The following SDK1 variants were observed in gnomAD, a reference collection of about 807,000 sequenced individuals.
SDK1 encodes the protein protein sidekick-1.
SDK1 carries 157 observed loss-of-function variants against 245.5 expected under a neutral mutation model. The ratio of observed to expected loss-of-function variants is 0.64; its 90% CI spans 0.56 to 0.73. SDK1 has a LOEUF of 0.73. Ranked by LOEUF, SDK1 falls within the 30% of genes least tolerant of loss-of-function variation. SDK1 has a pLI of 0.00. For synonymous variants in SDK1, 1,647 were observed against 1,278.5 expected, an observed-to-expected ratio of 1.29 and a Z score of -6.15; for missense variants, 3,583 against 3,002.3, an observed-to-expected ratio of 1.19 and a Z score of -4.52.
chr7:4,157,538 A>AGGTG (rs1224217407), intron 30 of SDK1, among the ~76,000 whole-genome samples: 1 of 138,512 alleles, frequency 7.2e-6, no homozygotes, highest in Admixed American at 7.3e-5. Flanking sequence ...GGAGGAAGGA[A>AGGTG]GGTGGGTGGG....
chr7:3,403,870 A>ATATAT (rs1778977530), intron 1 of SDK1, among the ~76,000 whole-genome samples: 3 of 84,752 alleles, frequency 3.5e-5, no homozygotes, highest in Non-Finnish European at 7.1e-5. Context: ...TATATATATA[A>ATATAT]TATATATATT....
chr7:3,696,583 TG>T (rs1784578990), intron 4 of SDK1, among the ~76,000 whole-genome samples: 1 of 151,750 alleles, frequency 6.6e-6, no homozygotes, highest in African/African-American at 2.4e-5. Flanking sequence ...TGTGTGTGTG[TG>T]TGTGTGTGTG....
intron 1 of SDK1, among the ~76,000 whole-genome samples, chr7:3,491,512 T>C (rs1369987914): frequency 2.0e-5 from 3 of 152,240 alleles, no homozygotes; most frequent in South Asian, 4.1e-4. Context: ...GAATTAAAGA[T>C]TGGAGCATTT....
intron 4 of SDK1, among the ~76,000 whole-genome samples, chr7:3,752,158 G>A (rs1779793651): frequency 6.6e-6 from 1 of 152,126 alleles, no homozygotes; most frequent in Non-Finnish European, 1.5e-5. Flanking sequence ...CAACCTGATA[G>A]GTGAGCCTGA....
At chr7:3,437,967 T>C (rs1780077784) in intron 1 of SDK1, among the ~76,000 whole-genome samples, 1 of 152,138 alleles carries the variant, frequency 6.6e-6, no homozygotes, top group South Asian at 2.1e-4. Flanking sequence ...GCAGTTTCTT[T>C]TACACTCTCT....
intron 4 of SDK1, among the ~76,000 whole-genome samples, chr7:3,644,243 TTATATATATA>T (rs66881824): frequency 3.4e-5 from 5 of 145,290 alleles, no homozygotes; most frequent in Non-Finnish European, 7.5e-5. Flanking sequence ...GAACAAAAAT[TTATATATATA>T]TATATATATA....
At chr7:3,655,493 A>ATATATATATATG (rs1301602921) in intron 4 of SDK1, among the ~76,000 whole-genome samples, 1 of 65,416 alleles carries the variant, frequency 1.5e-5, no homozygotes, top group African/African-American at 4.5e-5. Context: ...ATATATATAT[A>ATATATATATATG]TATATATATA....
chr7:3,305,748 GT>G (rs1202398361), intron 1 of SDK1, among the ~76,000 whole-genome samples: 1 of 152,102 alleles, frequency 6.6e-6, no homozygotes, highest in African/African-American at 2.4e-5. Flanking sequence ...TGGTCTCTTG[GT>G]TGGTTACTGT....
chr7:4,124,378 G>T (rs951459057), intron 25 of SDK1, among the ~76,000 whole-genome samples: 2 of 152,168 alleles, frequency 1.3e-5, no homozygotes, highest in Non-Finnish European at 2.9e-5. Context: ...GCATCTGGTG[G>T]TTCCGTGGCT....
rs555401549 is a variant in SDK1, at chr7:4,059,919, G to A, written c.2912-7919G>A. ...TTTTGAGACGGAGTCTTGCTCTGTCGCCCAGGCTGGAGTGCAGTGGCGCAG... is the reference window on the plus strand; with the variant it reads ...TTTTGAGACGGAGTCTTGCTCTGTCACCCAGGCTGGAGTGCAGTGGCGCAG... On this transcript the variant is annotated intron_variant, in intron 19 of 44. Transcript: ENST00000404826. Among the ~76,000 whole-genome samples the A allele has an allele frequency of 1.5e-4, 22 of 146,514 alleles. 1 individual carries two copies. The South Asian group carries it at 2.6e-3, about 17-fold the overall frequency.
At chr7:3,805,367 T>C (rs1047263738) in intron 4 of SDK1, among the ~76,000 whole-genome samples, 1 of 152,226 alleles carries the variant, frequency 6.6e-6, no homozygotes, top group African/African-American at 2.4e-5. Flanking sequence ...TGAATGCCTT[T>C]GTATTGATGC....
chr7:4,149,657 A>G (rs1029316082), intron 30 of SDK1, among the ~76,000 whole-genome samples, 194 bp downstream of exon 30: 29 of 152,052 alleles, frequency 1.9e-4, no homozygotes, highest in African/African-American at 6.3e-4. Context: ...CCAAGGGCCC[A>G]CCCCCAGCCG....
chr7:3,808,621 G>C (rs1261162752), intron 4 of SDK1, among the ~76,000 whole-genome samples: 1 of 152,156 alleles, frequency 6.6e-6, no homozygotes, highest in Non-Finnish European at 1.5e-5. Context: ...AGGGGACCAG[G>C]ATTTTAAAGA....
chr7:4,159,012 T>C (rs904771837), intron 31 of SDK1, among the ~76,000 whole-genome samples: 2 of 152,166 alleles, frequency 1.3e-5, no homozygotes, highest in African/African-American at 4.8e-5. Context: ...GATGGATTGT[T>C]ATTCTGTGTG....
chr7:3,974,109 A>G (rs1782695590), intron 12 of SDK1, among the ~76,000 whole-genome samples: 1 of 146,780 alleles, frequency 6.8e-6, no homozygotes, highest in South Asian at 2.2e-4. Flanking sequence ...GCTTGAACCC[A>G]GGAGGTGGAG....
At chr7:3,973,597 A>G (rs905290875) in intron 12 of SDK1, among the ~76,000 whole-genome samples, 2 of 152,104 alleles carry the variant, frequency 1.3e-5, no homozygotes, top group African/African-American at 2.4e-5. Flanking sequence ...GAGTTGGGCA[A>G]TTCCACTCTG....
chr7:4,244,697 T>C (rs968542844), intron 43 of SDK1, among the ~76,000 whole-genome samples: 1 of 152,234 alleles, frequency 6.6e-6, no homozygotes, highest in African/African-American at 2.4e-5. Flanking sequence ...GGGCCTTGCA[T>C]GGGTGTAATC....
rs1262750655 is a variant in SDK1 at position 4,114,758 on chromosome 7, G to A, written c.3823+484G>A. 2.0e-5 allele frequency among the ~76,000 whole-genome samples: 3 copies of A among 152,076 alleles called. 1 individual carries two copies. Among genetic ancestry groups the A allele is most frequent in the East Asian group, 3.9e-4 (2 of 5,186 alleles). ...CTAAGGTGGGCGTTCCTGTTTGGCG[G>A]GTGGCTCTCTTCCACAAGGTGATTC... On this transcript the variant is annotated intron_variant, in intron 25 of 44. Coordinates refer to ENST00000404826, the MANE Select transcript of SDK1 (RefSeq NM_152744.4).
intron 5 of SDK1, among the ~76,000 whole-genome samples, chr7:3,890,750 T>A (rs1365065548): frequency 1.3e-5 from 2 of 152,086 alleles, no homozygotes; most frequent in East Asian, 1.9e-4. Flanking sequence ...GAGACGAGCC[T>A]GGGCAACATG....
Sources: allele counts gnomAD v4.1 joint callset (sites outside exome capture counted in the v4.1 genomes callset), GRCh38; gene constraint gnomAD v4.1.1; transcripts MANE v1.5; gene names NCBI Gene and HGNC (gene_info 2026-07-23, HGNC 2026-07-21).